RAB39A: variants seen among roughly 807,000 people sequenced by gnomAD.
RAB39A encodes ras-related protein Rab-39A.
RAB39A carries 17 observed loss-of-function variants against 20.9 expected under a neutral mutation model. That is an observed-to-expected ratio of 0.81 (90% CI 0.56 to 1.22). The LOEUF is 1.22. Among genes scored for constraint, RAB39A ranks in the 50% most tolerant of loss-of-function variants. RAB39A has a pLI of 0.00. For synonymous variants in RAB39A, 99 were observed against 103.4 expected (o/e 0.96, Z 0.26); for missense variants, 234 against 270.5 (o/e 0.87, Z 0.95).
At chr11:107,958,788 A>G (rs1406987053) in intron 1 of RAB39A, among the ~76,000 whole-genome samples, 1 of 152,172 alleles carries the variant, frequency 6.6e-6, no homozygotes, top group East Asian at 1.9e-4. Context: ...AGGGTTGCTT[A>G]TTTTAAAAAG....
Position 107,946,863 on chromosome 11 carries a change from A to T in RAB39A, c.228-15083A>T, listed in dbSNP as rs188895936. Reference sequence around the variant, plus strand: ...AGCACTTTGGGAGGCTGAGGCAGGCAGATCACTTGAGGTCTGGAGTTTGAG... The same window carrying T: ...AGCACTTTGGGAGGCTGAGGCAGGCTGATCACTTGAGGTCTGGAGTTTGAG... On this transcript the variant is annotated intron_variant, in intron 1 of 1. Coordinates refer to ENST00000320578, the MANE Select transcript of RAB39A (RefSeq NM_017516.3). Among the ~76,000 whole-genome samples, 152 of 151,984 alleles carry T rather than the reference A, an allele frequency of 1.0e-3. 1 individual carries two copies. The highest frequency in any genetic ancestry group is 8.8e-3 in the Admixed American group (134 of 15,262).
At position 107,928,529 on chromosome 11, in the gene RAB39A, G is replaced by A. The variant is rs1190116935; in HGVS notation, c.-40G>A. Reference sequence around the variant, plus strand: ...CAGTTCCCGCCGCCGAACTTAGCCCGCGGGTGGGGCGGCCCGGGAGCCAGC... The same window carrying A: ...CAGTTCCCGCCGCCGAACTTAGCCCACGGGTGGGGCGGCCCGGGAGCCAGC... On this transcript the variant is annotated 5_prime_UTR_variant, in exon 1 of 2. Coordinates refer to ENST00000320578, the MANE Select transcript of RAB39A (RefSeq NM_017516.3). This position sits in a 1 kb window ranked among gnomAD's most constrained non-coding sequence, Gnocchi z 4.9. 3 of 1,387,278 alleles carry A rather than the reference G, an allele frequency of 2.2e-6. No individual in the cohort carries two copies. The highest frequency in any genetic ancestry group is 2.9e-6 in the Non-Finnish European group (3 of 1,048,228). The allele number at this position is 1,387,278 out of a possible 1,614,324, so 85.9% of individuals were successfully genotyped here. A position where few individuals can be genotyped will look rare whatever the true frequency, so the allele number is the denominator to read the frequency against.
chr11:107,962,037 T>A lies in RAB39A; in HGVS notation c.319T>A (p.Trp107Arg), dbSNP rs745603013. 6.2e-7 allele frequency: 1 copy of A among 1,614,084 alleles called. No homozygotes were observed. The change falls in exon 2 of 2, where the codon TGG becomes AGG. Residue 107 changes from tryptophan (W) to arginine (R), a missense_variant. Transcript: ENST00000320578. ...ACGATCTTTTGAACATGTGAAAGATTGGCTAGAAGAAGCAAAAATGTATGT... is the reference window on the plus strand; with the variant it reads ...ACGATCTTTTGAACATGTGAAAGATAGGCTAGAAGAAGCAAAAATGTATGT... ...NRRSFEHVKD[W>R]LEEAKMYVQP...
At chr11:107,953,306 C>G (rs1423545966) in intron 1 of RAB39A, among the ~76,000 whole-genome samples, 1 of 152,076 alleles carries the variant, frequency 6.6e-6, no homozygotes, top group Non-Finnish European at 1.5e-5. Flanking sequence ...CTCTATTGGT[C>G]AGGTCCTTGG....
chr11:107,932,891 A>C (rs1861152327), intron 1 of RAB39A, among the ~76,000 whole-genome samples: 1 of 152,002 alleles, frequency 6.6e-6, no homozygotes, highest in African/African-American at 2.4e-5. Context: ...TTGTATTTTT[A>C]GTAGAAATGG....
chr11:107,934,481 A>G (rs1399935868), intron 1 of RAB39A, among the ~76,000 whole-genome samples: 2 of 152,142 alleles, frequency 1.3e-5, no homozygotes, highest in African/African-American at 2.4e-5. Flanking sequence ...TCTAAGGAGT[A>G]TAATTTGGGA....
At chr11:107,929,748 A>ATT (rs2134943955) in intron 1 of RAB39A, among the ~76,000 whole-genome samples, 1 of 152,290 alleles carries the variant, frequency 6.6e-6, no homozygotes, top group South Asian at 2.1e-4. Context: ...AATTATATGC[A>ATT]TTTCCTGAAT....
At position 107,949,188 on chromosome 11, in the gene RAB39A, G is replaced by A. The variant is rs4754280; in HGVS notation, c.228-12758G>A. Among the ~76,000 whole-genome samples, 183 of 152,232 alleles carry A rather than the reference G, an allele frequency of 1.2e-3. 1 individual carries two copies. The highest frequency in any genetic ancestry group is 6.8e-3 in the Middle Eastern group (2 of 294). ...TTAGCTGGGTGTGGGGCACGTGCCT[G>A]TAATCCCAGCTACTCGGGAGGCTGA... is the stretch of plus-strand genomic sequence containing the variant. On this transcript the variant is annotated intron_variant, in intron 1 of 1. Coordinates refer to ENST00000320578, the MANE Select transcript of RAB39A (RefSeq NM_017516.3).
At chr11:107,947,489 G>T (rs1358770622) in intron 1 of RAB39A, among the ~76,000 whole-genome samples, 1 of 151,886 alleles carries the variant, frequency 6.6e-6, no homozygotes, top group Non-Finnish European at 1.5e-5. Context: ...AAAGATAGAA[G>T]AGAAAAAACA....
chr11:107,946,426 GTGTGTGTGTGTATATATA>G (rs1288656418), intron 1 of RAB39A, among the ~76,000 whole-genome samples: 5 of 21,482 alleles, frequency 2.3e-4, no homozygotes, highest in Middle Eastern at 0.024. Flanking sequence ...GTGTGTGTGT[GTGTGTGTGTGTATATATA>G]TATATATATA....
chr11:107,960,704 G>T (rs1470104503), intron 1 of RAB39A, among the ~76,000 whole-genome samples: 2 of 152,178 alleles, frequency 1.3e-5, no homozygotes, highest in Admixed American at 1.3e-4. Context: ...TGACCACCTG[G>T]TTGGAAGAGG....
chr11:107,956,520 G>C (rs1050055962), intron 1 of RAB39A, among the ~76,000 whole-genome samples: 6 of 152,324 alleles, frequency 3.9e-5, no homozygotes, highest in East Asian at 3.9e-4. Context: ...GCAGCCATTT[G>C]TCCTTCTATG....
intron 1 of RAB39A, among the ~76,000 whole-genome samples, chr11:107,943,491 A>C (rs2134959909): frequency 6.6e-6 from 1 of 151,826 alleles, no homozygotes; most frequent in Non-Finnish European, 1.5e-5. Context: ...GAATGGCGTG[A>C]ACCTGGGAGG....
At chr11:107,947,807 C>CAAAAAAAAAAAAAAAAAAAAAAAAAAAAA (rs35694249) in intron 1 of RAB39A, among the ~76,000 whole-genome samples, 4 of 80,218 alleles carry the variant, frequency 5.0e-5, no homozygotes, top group African/African-American at 1.0e-4. Context: ...CATCAACAGG[C>CAAAAAAAAAAAAAAAAAAAAAAAAAAAAA]AAAAAAAAAA....
intron 1 of RAB39A, among the ~76,000 whole-genome samples, chr11:107,957,164 AC>A (rs1463684078): frequency 1.3e-5 from 2 of 152,226 alleles, no homozygotes; most frequent in East Asian, 3.8e-4. Context: ...GAGAAGTGAC[AC>A]CAGGCAGCTC....
chr11:107,933,875 C>T (rs1278081871), intron 1 of RAB39A, among the ~76,000 whole-genome samples: 3 of 151,654 alleles, frequency 2.0e-5, no homozygotes, highest in Non-Finnish European at 4.4e-5. Flanking sequence ...AGGCTGGTCT[C>T]GAACTCCTGA....
chr11:107,950,596 G>A (rs992674105), intron 1 of RAB39A, among the ~76,000 whole-genome samples: 11 of 151,884 alleles, frequency 7.2e-5, no homozygotes, highest in Admixed American at 2.0e-4. Context: ...GCGAAACTTC[G>A]TCTCTACAAA....
At chr11:107,932,564 G>T (rs1861149176) in intron 1 of RAB39A, among the ~76,000 whole-genome samples, 1 of 152,208 alleles carries the variant, frequency 6.6e-6, no homozygotes, top group Admixed American at 6.5e-5. Flanking sequence ...GGCCAACATG[G>T]TATAGATTCT....
intron 1 of RAB39A, among the ~76,000 whole-genome samples, chr11:107,953,289 A>G (rs986296328): frequency 7.2e-5 from 11 of 152,300 alleles, no homozygotes; most frequent in African/African-American, 2.6e-4. Context: ...TACAAAGTCT[A>G]TGTTGACTCT....
Sources: gnomAD v4.1 joint callset for allele counts (sites outside exome capture counted in the v4.1 genomes callset) on GRCh38, gnomAD v4.1.1 for gene constraint, Gnocchi (gnomAD v3.1) non-coding constraint, MANE v1.5 for transcripts, NCBI Gene and HGNC (gene_info 2026-07-23, HGNC 2026-07-21) for gene names.